SLFN12L: variants seen among roughly 807,000 people sequenced by gnomAD.
The protein encoded by SLFN12L is schlafen family member 12-like.
In SLFN12L, 34 loss-of-function variants were observed where a neutral mutation model predicts 34.8. That is an observed-to-expected ratio of 0.98 (90% CI 0.74 to 1.30). The LOEUF is 1.30. Among genes scored for constraint, SLFN12L ranks in the 50% most tolerant of loss-of-function variants. The pLI is 0.00. For missense variants in SLFN12L, 703 were observed against 696.2 expected, an observed-to-expected ratio of 1.01 and a Z score of -0.11; for synonymous variants, 259 against 247.5, an observed-to-expected ratio of 1.05 and a Z score of -0.44.
chr17:35,525,584 C>T (rs560637954), intron 1 of SLFN12L, among the ~76,000 whole-genome samples: 98 of 152,292 alleles, frequency 6.4e-4, no homozygotes, highest in Middle Eastern at 6.8e-3. Context: ...GAATCGTCAA[C>T]CCAGAATTTC....
intron 2 of SLFN12L, among the ~76,000 whole-genome samples, chr17:35,495,918 CACA>C (rs1441917447): frequency 6.6e-6 from 1 of 150,790 alleles, no homozygotes; most frequent in Non-Finnish European, 1.5e-5. Context: ...CACACACACA[CACA>C]CACACACACA....
At chr17:35,490,106 G>T (rs1597845863) in intron 2 of SLFN12L, 1 of 1,606,394 alleles carries the variant, frequency 6.2e-7, no homozygotes. Flanking sequence ...TGCCCCAGGC[G>T]CGGAGCAGAC....
chr17:35,479,935 C>G lies in SLFN12L; in HGVS notation c.347G>C (p.Gly116Ala), dbSNP rs753342334. The G allele has an allele frequency of 2.5e-6, 4 of 1,614,156 alleles. No homozygotes were observed. The South Asian group carries it at 3.3e-5, about 13-fold the overall frequency. ...AGAATTTTCCAAATCTAGCCCTATT[C>G]CATCTTTTTTATAACTATAGCCTTT... ...ENKGYSYKKD[G>A]IGLDLENSFS... Residue 116 changes from glycine to alanine, a missense_variant, in exon 3 of 5, where the codon GGA becomes GCA. By Grantham distance (60) the Gly-to-Ala change is moderately conservative. Coordinates refer to ENST00000628453, the MANE Select transcript of SLFN12L (RefSeq NM_001363830.2).
At chr17:35,485,506 C>T (rs1356205802) in intron 2 of SLFN12L, among the ~76,000 whole-genome samples, 1 of 152,172 alleles carries the variant, frequency 6.6e-6, no homozygotes. Flanking sequence ...TTTTGCTGTG[C>T]AGACGCTGTT....
At chr17:35,489,878 C>T (rs1914762025) in intron 2 of SLFN12L, 5 of 786,712 alleles carry the variant, frequency 6.4e-6, no homozygotes, top group Non-Finnish European at 1.0e-5. Context: ...GGAACACCAA[C>T]CTTGTGGAAT....
chr17:35,516,610 G>A (rs897528678), intron 2 of SLFN12L, among the ~76,000 whole-genome samples: 4 of 152,206 alleles, frequency 2.6e-5, no homozygotes, highest in East Asian at 1.9e-4. Flanking sequence ...GGTGACAACC[G>A]GAAATATCTC....
chr17:35,511,235 C>G (rs2142158588), intron 2 of SLFN12L, among the ~76,000 whole-genome samples: 1 of 152,266 alleles, frequency 6.6e-6, no homozygotes, highest in South Asian at 2.1e-4. Flanking sequence ...AACTGCATTT[C>G]TTACAAGATT....
chr17:35,526,711 G>C (rs554350476), intron 1 of SLFN12L, among the ~76,000 whole-genome samples: 1 of 152,248 alleles, frequency 6.6e-6, no homozygotes, highest in South Asian at 2.1e-4. Context: ...TTAAAGCAGT[G>C]TGTAGAGGGA....
intron 4 of SLFN12L, among the ~76,000 whole-genome samples, chr17:35,476,028 A>G (rs1913988894): frequency 6.6e-6 from 1 of 152,012 alleles, no homozygotes; most frequent in Non-Finnish European, 1.5e-5. Flanking sequence ...ACAATCTTTA[A>G]TACAGAAGAA....
Position 35,469,323 on chromosome 17 carries a change from TATAA to T in SLFN12L, c.*5596_*5599del, listed in dbSNP as rs201079133. ...ATATAAAATATATATATATTATATA[TATAA>T]ATATATATATAATATATATATATAT... On this transcript the variant is annotated 3_prime_UTR_variant, in exon 5 of 5. Coordinates refer to ENST00000628453, the MANE Select transcript of SLFN12L (RefSeq NM_001363830.2). Among the ~76,000 whole-genome samples the T allele has an allele frequency of 3.0e-4, 31 of 101,832 alleles. No homozygotes were observed. The highest frequency in any genetic ancestry group is 8.4e-4 in the African/African-American group (22 of 26,078). 66.8% of individuals were successfully genotyped at this position (101,832 alleles called of 152,430 possible). A position where few individuals can be genotyped will look rare whatever the true frequency, so the allele number is the denominator to read the frequency against.
intron 1 of SLFN12L, among the ~76,000 whole-genome samples, chr17:35,530,221 C>A (rs2072378258): frequency 6.8e-6 from 1 of 148,024 alleles, no homozygotes; most frequent in African/African-American, 2.5e-5. Context: ...GTGGCAGGCA[C>A]CTGTAGTCCT....
intron 1 of SLFN12L, among the ~76,000 whole-genome samples, chr17:35,527,589 G>A (rs2072350547): frequency 6.6e-6 from 1 of 151,936 alleles, no homozygotes; most frequent in African/African-American, 2.4e-5. Flanking sequence ...TAAACAGAAC[G>A]AATGACAAAA....
chr17:35,469,485 C>G lies in SLFN12L; in HGVS notation c.*5438G>C, dbSNP rs1262840469. The stretch of plus-strand genomic sequence containing the variant: ...AGTTATGGACCAGCCTACAAGGGCT[C>G]TTTATACTTCCACATTGTTCTTCTA... On this transcript the variant is annotated 3_prime_UTR_variant, in exon 5 of 5. Transcript: ENST00000628453. 6.6e-6 allele frequency among the ~76,000 whole-genome samples: 1 copy of G among 151,500 alleles called. No individual in the cohort carries two copies. The highest frequency in any genetic ancestry group is 1.5e-5 in the Non-Finnish European group (1 of 67,910).
intron 2 of SLFN12L, among the ~76,000 whole-genome samples, chr17:35,513,128 G>C (rs753190994): frequency 2.6e-5 from 4 of 152,152 alleles, no homozygotes; most frequent in Non-Finnish European, 5.9e-5. Context: ...TATCTGGTAT[G>C]TTTGTGCTGG....
chr17:35,523,540 G>C (rs907006230), intron 1 of SLFN12L, among the ~76,000 whole-genome samples: 1 of 152,212 alleles, frequency 6.6e-6, no homozygotes, highest in Non-Finnish European at 1.5e-5. Flanking sequence ...ATCACATACA[G>C]ATCAATCTGA....
intron 2 of SLFN12L, among the ~76,000 whole-genome samples, chr17:35,515,546 G>A (rs1313409342): frequency 6.6e-6 from 1 of 151,692 alleles, no homozygotes; most frequent in Non-Finnish European, 1.5e-5. Context: ...TCAACTCACT[G>A]CCACCTGCGC....
At chr17:35,486,365 G>A (rs1914580962) in intron 2 of SLFN12L, among the ~76,000 whole-genome samples, 1 of 152,112 alleles carries the variant, frequency 6.6e-6, no homozygotes, top group South Asian at 2.1e-4. Context: ...ATACACAGAA[G>A]GTGACAGAAA....
At chr17:35,504,586 C>T (rs1269741042) in intron 2 of SLFN12L, among the ~76,000 whole-genome samples, 1 of 152,160 alleles carries the variant, frequency 6.6e-6, no homozygotes, top group Admixed American at 6.5e-5. Context: ...TCCAGTCGAC[C>T]AGGCATGGGC....
rs182408195 is a variant in SLFN12L, at chr17:35,510,748, A to G, written c.86+11531T>C. ...TAGTATGCAATTATATCTCAGTTTTAAAAAAAGGAAAACAGTAACCAAAAT... is the reference window on the plus strand; with the variant it reads ...TAGTATGCAATTATATCTCAGTTTTGAAAAAAGGAAAACAGTAACCAAAAT... On this transcript the variant is annotated intron_variant, in intron 2 of 4. Coordinates refer to ENST00000628453, the MANE Select transcript of SLFN12L (RefSeq NM_001363830.2). 9.9e-5 allele frequency among the ~76,000 whole-genome samples: 15 copies of G among 152,220 alleles called. No individual in the cohort carries two copies. The East Asian group carries it at 2.9e-3, about 29-fold the overall frequency.
Sources: gnomAD v4.1 joint callset for allele counts (sites outside exome capture counted in the v4.1 genomes callset) on GRCh38, gnomAD v4.1.1 for gene constraint, MANE v1.5 for transcripts, NCBI Gene and HGNC (gene_info 2026-07-23, HGNC 2026-07-21) for gene names.